Variants in DRC11 observed in about 807,000 individuals in gnomAD.
DRC11 encodes the protein IQ and AAA domain-containing protein 1.
At chr2:236,380,457 A>C in the DRC11 span, 1 of 818,818 alleles carries the variant, frequency 1.2e-6, no homozygotes, top group Non-Finnish European at 2.0e-6. This position sits in a 1 kb window ranked among gnomAD's most constrained non-coding sequence, Gnocchi z 4.9. Flanking sequence ...CCACTCCGGG[A>C]CTGTGGAGGA....
the DRC11 span, among the ~76,000 whole-genome samples, chr2:236,423,041 A>G: frequency 1.3e-5 from 2 of 151,202 alleles, no homozygotes; most frequent in African/African-American, 4.8e-5. Context: ...ACCTTATACA[A>G]AAATCAATTC....
chr2:236,423,192 T>C, the DRC11 span, among the ~76,000 whole-genome samples: 916 of 151,714 alleles, frequency 6.0e-3, 9 homozygotes, highest in African/African-American at 0.021. Flanking sequence ...AAAGCCAAAA[T>C]TGACAAATGG....
the DRC11 span, chr2:236,338,429 GA>G: frequency 6.5e-7 from 1 of 1,527,990 alleles, no homozygotes; most frequent in East Asian, 2.3e-5. Flanking sequence ...AAAAAAGAAT[GA>G]AAAAATGAAA....
the DRC11 span, among the ~76,000 whole-genome samples, chr2:236,346,512 C>T: frequency 2.0e-5 from 3 of 152,194 alleles, no homozygotes; most frequent in Non-Finnish European, 4.4e-5. Flanking sequence ...GTGCTGGCAG[C>T]TGAGGCAGCC....
At chr2:236,380,505 G>C in the DRC11 span, 1 of 1,314,286 alleles carries the variant, frequency 7.6e-7, no homozygotes, top group South Asian at 1.3e-5. The surrounding 1 kb of genome is among the most constrained non-coding windows in gnomAD (Gnocchi z 4.9). Flanking sequence ...GCGTACTCGG[G>C]GTTCCCTGTG....
the DRC11 span, among the ~76,000 whole-genome samples, chr2:236,356,529 G>A: frequency 6.6e-6 from 1 of 152,230 alleles, no homozygotes; most frequent in African/African-American, 2.4e-5. Context: ...GACCTAGCGT[G>A]AAATCCAGAG....
At chr2:236,467,200 A>G in the DRC11 span, among the ~76,000 whole-genome samples, 3 of 152,232 alleles carry the variant, frequency 2.0e-5, no homozygotes, top group African/African-American at 7.2e-5. Flanking sequence ...TCTATACAAT[A>G]TAAAGAATTG....
chr2:236,318,034 T>C, the DRC11 span, among the ~76,000 whole-genome samples: 44 of 152,352 alleles, frequency 2.9e-4, no homozygotes, highest in Admixed American at 6.5e-4. The surrounding 1 kb of genome is among the most constrained non-coding windows in gnomAD (Gnocchi z 7.0). Flanking sequence ...CACTGTGTCC[T>C]GGAAAGTTCA....
At chr2:236,360,454 G>A in the DRC11 span, among the ~76,000 whole-genome samples, 1 of 152,218 alleles carries the variant, frequency 6.6e-6, no homozygotes, top group Non-Finnish European at 1.5e-5. The surrounding 1 kb of genome is among the most constrained non-coding windows in gnomAD (Gnocchi z 5.8). Flanking sequence ...ATGTGCTTCT[G>A]TCTGTTACTT....
At chr2:236,503,630 C>G in the DRC11 span, 1 of 1,550,472 alleles carries the variant, frequency 6.4e-7, no homozygotes, top group South Asian at 1.2e-5. The surrounding 1 kb of genome is among the most constrained non-coding windows in gnomAD (Gnocchi z 4.9). Flanking sequence ...TGCATCATTA[C>G]CTGTTTTCCT....
At chr2:236,412,739 A>G in the DRC11 span, 1 of 152,100 alleles carries the variant, frequency 6.6e-6, no homozygotes, top group South Asian at 2.1e-4. Flanking sequence ...ATCTTTTTAT[A>G]TCCAGTACTT....
At chr2:236,333,797 T>C in the DRC11 span, among the ~76,000 whole-genome samples, 3 of 152,154 alleles carry the variant, frequency 2.0e-5, no homozygotes, top group Non-Finnish European at 2.9e-5. This position sits in a 1 kb window ranked among gnomAD's most constrained non-coding sequence, Gnocchi z 6.0. Context: ...AATCACTCGA[T>C]GAGTAGAGAT....
chr2:236,488,300 C>T, the DRC11 span: 954 of 710,232 alleles, frequency 1.3e-3, no homozygotes, highest in Admixed American at 3.0e-3. Context: ...AGGGTCCCCA[C>T]GGCTGATCAT....
At chr2:236,357,614 TA>T in the DRC11 span, among the ~76,000 whole-genome samples, 2 of 122,370 alleles carry the variant, frequency 1.6e-5, no homozygotes, top group Middle Eastern at 0.012. Flanking sequence ...TATATATTTA[TA>T]AATATATAAA....
At chr2:236,336,470 T>TGCCACCACG in the DRC11 span, among the ~76,000 whole-genome samples, 2 of 151,452 alleles carry the variant, frequency 1.3e-5, no homozygotes, top group African/African-American at 2.4e-5. This position sits in a 1 kb window ranked among gnomAD's most constrained non-coding sequence, Gnocchi z 7.3. Flanking sequence ...CCACCACCAC[T>TGCCACCACG]GCCACCACGG....
chr2:236,437,213 T>C, the DRC11 span, among the ~76,000 whole-genome samples: 18 of 143,382 alleles, frequency 1.3e-4, no homozygotes, highest in East Asian at 2.9e-3. Context: ...GTTCTTGCGA[T>C]AGTTTACTGA....
At chr2:236,343,158 T>C in the DRC11 span, among the ~76,000 whole-genome samples, 1 of 152,118 alleles carries the variant, frequency 6.6e-6, no homozygotes, top group African/African-American at 2.4e-5. The surrounding 1 kb of genome is among the most constrained non-coding windows in gnomAD (Gnocchi z 6.6). Context: ...TCCCCTCACA[T>C]CCACTCCCTT....
chr2:236,408,089 TG>T, the DRC11 span: 1 of 618,020 alleles, frequency 1.6e-6, no homozygotes. This position sits in a 1 kb window ranked among gnomAD's most constrained non-coding sequence, Gnocchi z 5.5. Context: ...ACAAAGCCAC[TG>T]GTCACTTCAC....
chr2:236,407,395 G>A, the DRC11 span, among the ~76,000 whole-genome samples: 7 of 152,118 alleles, frequency 4.6e-5, no homozygotes, highest in African/African-American at 1.7e-4. Context: ...CCTCAGACTT[G>A]GGCTGGAGTC....
Sources: gnomAD v4.1 joint callset for allele counts (sites outside exome capture counted in the v4.1 genomes callset) on GRCh38, gnomAD v4.1.1 for gene constraint, Gnocchi (gnomAD v3.1) non-coding constraint, MANE v1.5 for transcripts, NCBI Gene and HGNC (gene_info 2026-07-23, HGNC 2026-07-21) for gene names.